The following EXTL3 variants were observed in gnomAD, a reference collection of about 807,000 sequenced individuals.
EXTL3 encodes exostosin-like 3.
EXTL3 carries 27 observed loss-of-function variants against 69.3 expected under a neutral mutation model. The observed-to-expected ratio is 0.39, with a 90% CI of 0.29 to 0.54. The LOEUF is 0.54. Ranked by LOEUF, EXTL3 falls within the 20% of genes least tolerant of loss-of-function variation. EXTL3 has a pLI of 0.69. For synonymous variants in EXTL3, 511 were observed against 499.4 expected (o/e 1.02, Z -0.31); for missense variants, 1,003 against 1,231.8 (o/e 0.81, Z 2.78).
chr8:28,695,521 GGTTT>G (rs1385108039), intron 1 of EXTL3, among the ~76,000 whole-genome samples: 18 of 152,298 alleles, frequency 1.2e-4, no homozygotes, highest in African/African-American at 3.8e-4. Context: ...ATCTCTGGTG[GGTTT>G]GTTTGTTTCC....
rs867212793 is a variant in EXTL3, at chr8:28,746,541, C to T, written c.2550+3327C>T. Reference sequence around the variant, plus strand: ...AATCTTCCATGTAAACTGTGATCCACGATATTGGTTAAATAAGTAAATGTC... The same window carrying T: ...AATCTTCCATGTAAACTGTGATCCATGATATTGGTTAAATAAGTAAATGTC... On this transcript the variant is annotated intron_variant, in intron 6 of 6. Transcript: ENST00000220562. Among the ~76,000 whole-genome samples the T allele has an allele frequency of 5.9e-5, 9 of 151,998 alleles. No individual in the cohort carries two copies. The South Asian group carries it at 8.3e-4, about 14-fold the overall frequency.
chr8:28,692,917 G>A (rs1800634892), intron 1 of EXTL3, among the ~76,000 whole-genome samples: 1 of 152,094 alleles, frequency 6.6e-6, no homozygotes, highest in South Asian at 2.1e-4. Flanking sequence ...CCTGCACTAA[G>A]TTCTTCCAAC....
chr8:28,701,758 G>GC (rs1800803181), intron 1 of EXTL3, 99 bp downstream of exon 1: 1 of 153,178 alleles, frequency 6.5e-6, no homozygotes. Flanking sequence ...TGGGGACGCG[G>GC]CGGGAGGGAC....
intron 1 of EXTL3, among the ~76,000 whole-genome samples, 180 bp from the exon 2 acceptor site, chr8:28,713,277 C>T (rs1047721369): frequency 1.3e-5 from 2 of 152,172 alleles, no homozygotes; most frequent in Non-Finnish European, 2.9e-5. Context: ...AATAGTCTCC[C>T]TTTCCACTTC....
intron 5 of EXTL3, chr8:28,740,584 C>T (rs1299830813): frequency 2.0e-5 from 3 of 152,214 alleles, no homozygotes; most frequent in African/African-American, 2.4e-5. Flanking sequence ...ACCCGGCCTA[C>T]ACCCATTTCT....
chr8:28,723,372 A>G (rs975303643), intron 3 of EXTL3, among the ~76,000 whole-genome samples: 1 of 152,180 alleles, frequency 6.6e-6, no homozygotes, highest in African/African-American at 2.4e-5. Flanking sequence ...AATGGGCTGT[A>G]TGGCTGCAAA....
intron 2 of EXTL3, among the ~76,000 whole-genome samples, chr8:28,616,142 A>C (rs950287197): frequency 1.3e-5 from 2 of 152,180 alleles, no homozygotes; most frequent in Non-Finnish European, 2.9e-5. Context: ...ATTCTTGCAA[A>C]GGGCAGTACA....
In EXTL3 at chr8:28,743,202, GC is replaced by G; in HGVS notation, c.2544del (p.Ile849SerfsTer3). On this transcript the variant is annotated frameshift_variant, in exon 6 of 7. Coordinates refer to ENST00000220562, the MANE Select transcript of EXTL3 (RefSeq NM_001440.4). LOFTEE classifies it high-confidence loss of function. ...TCCTTGTCTCCCACATCACTCGGAAGCCCCCCATCAAGGTGAGGTCCCACCA... is the reference window on the plus strand; with the variant it reads ...TCCTTGTCTCCCACATCACTCGGAAGCCCCCATCAAGGTGAGGTCCCACCA... ...NFLVSHITRKPPIKVTSRWTF... is the reference protein window; with the variant it reads ...NFLVSHITRKXPIKVTSRWTF... 6.2e-7 allele frequency: 1 copy of G among 1,614,208 alleles called. No homozygotes were observed. The highest frequency in any genetic ancestry group is 8.5e-7 in the Non-Finnish European group (1 of 1,180,022).
upstream of EXTL3, among the ~76,000 whole-genome samples, chr8:28,617,909 G>A (rs763315410): frequency 1.3e-4 from 20 of 152,238 alleles, no homozygotes; most frequent in Non-Finnish European, 2.5e-4. Context: ...AATATTGCAC[G>A]ATTCCATTTA....
Position 28,716,434 on chromosome 8 carries a change from G to A in EXTL3, c.375G>A (p.Lys125=), listed in dbSNP as rs758041088. ...GTAAGAAGAGCATTGAGAACGCCAA[G>A]CAGGACCTGCTCCAGCTCAAGAATG... ...EACKKSIENA[K]QDLLQLKNVI... is the part of the protein sequence containing the mutation. The change falls in exon 3 of 7, where the codon AAG becomes AAA. Residue 125 remains lysine (K), a synonymous_variant. Transcript: ENST00000220562. This position sits in a 1 kb window ranked among gnomAD's most constrained non-coding sequence, Gnocchi z 7.1. 6.2e-7 allele frequency: 1 copy of A among 1,613,790 alleles called. No homozygotes were observed. The highest frequency in any genetic ancestry group is 1.1e-5 in the South Asian group (1 of 91,068).
rs139948077 is a variant in EXTL3, at chr8:28,685,534, C to T, written c.-52-27923C>T. On this transcript the variant is annotated intron_variant, in intron 1 of 6. Transcript: ENST00000523149. Reference sequence around the variant, plus strand: ...CTGGAGTGAAGTGGCAGGATCATAACTCACTGTAATCTTGAGCTCCTGGGC... The same window carrying T: ...CTGGAGTGAAGTGGCAGGATCATAATTCACTGTAATCTTGAGCTCCTGGGC... Among the ~76,000 whole-genome samples, 525 of 152,030 alleles carry T rather than the reference C, an allele frequency of 3.5e-3. 2 individuals carry two copies. Among genetic ancestry groups the T allele is most frequent in the African/African-American group, 0.012 (496 of 41,466 alleles).
In EXTL3 at chr8:28,718,131, A is replaced by G. The variant is rs147200782; in HGVS notation, c.2072A>G (p.Lys691Arg). ...CTGAATGGCCTCCCTTACCTGAACA[A>G]GGTCGTGGTGGTGTGGAATTCTCCC... Reference protein sequence around the residue: ...ERLNGLPYLNKVVVVWNSPKL... With the variant: ...ERLNGLPYLNRVVVVWNSPKL... The change falls in exon 3 of 7, where the codon AAG becomes AGG. Residue 691 changes from lysine to arginine, a missense_variant. Lys to Arg is a conservative substitution (Grantham distance 26, BLOSUM62 2). Around this residue, in one of 2 missense-constraint regions of EXTL3, gnomAD observed 261 missense variants for 416.4 expected, o/e 0.63. Coordinates refer to ENST00000220562, the MANE Select transcript of EXTL3 (RefSeq NM_001440.4). 4 of 1,613,978 alleles carry G rather than the reference A, an allele frequency of 2.5e-6. No homozygotes were observed. The African/African-American group carries it at 5.3e-5, about 22-fold the overall frequency.
At chr8:28,634,723 T>A (rs1043118577) in intron 1 of EXTL3, among the ~76,000 whole-genome samples, 2 of 151,366 alleles carry the variant, frequency 1.3e-5, no homozygotes, top group African/African-American at 4.9e-5. Context: ...GCCTCTGGAG[T>A]AGCTGGGATT....
At chr8:28,637,601 C>T (rs1434752283) in intron 1 of EXTL3, among the ~76,000 whole-genome samples, 2 of 151,832 alleles carry the variant, frequency 1.3e-5, no homozygotes, top group African/African-American at 4.8e-5. Context: ...AGTTTGAGAC[C>T]AGACTAGGCA....
upstream of EXTL3, among the ~76,000 whole-genome samples, chr8:28,618,688 G>A (rs145239203): frequency 4.7e-4 from 71 of 152,268 alleles, no homozygotes; most frequent in East Asian, 0.011. Flanking sequence ...AGTGGTGAAA[G>A]CAGTGAGAGA....
At chr8:28,734,139 C>T (rs768986127) in intron 4 of EXTL3, among the ~76,000 whole-genome samples, 3 of 152,100 alleles carry the variant, frequency 2.0e-5, no homozygotes, top group Admixed American at 6.5e-5. Context: ...TTTATTATCA[C>T]GTTATAAGAG....
At chr8:28,635,053 G>A (rs1806631394) in intron 1 of EXTL3, among the ~76,000 whole-genome samples, 1 of 152,046 alleles carries the variant, frequency 6.6e-6, no homozygotes, top group Non-Finnish European at 1.5e-5. Context: ...GTGTGTGAAG[G>A]CTGTAAATGA....
chr8:28,714,366 G>A (rs113105898), intron 2 of EXTL3, among the ~76,000 whole-genome samples: 30 of 152,066 alleles, frequency 2.0e-4, no homozygotes, highest in African/African-American at 6.5e-4. Flanking sequence ...TATAAAAATG[G>A]TAAAAAGGAG....
At chr8:28,729,538 G>A (rs1004260778) in intron 3 of EXTL3, among the ~76,000 whole-genome samples, 9 of 134,442 alleles carry the variant, frequency 6.7e-5, no homozygotes, top group African/African-American at 2.2e-4. Context: ...AGAGGCTGCA[G>A]TGAGCCAAGA....
Sources: allele counts gnomAD v4.1 joint callset (sites outside exome capture counted in the v4.1 genomes callset), GRCh38; gene constraint gnomAD v4.1.1; regional missense constraint gnomAD v4.1.1; non-coding constraint Gnocchi (gnomAD v3.1); transcripts MANE v1.5; gene names NCBI Gene and HGNC (gene_info 2026-07-23, HGNC 2026-07-21).